ACSL4: variants seen among roughly 807,000 people sequenced by gnomAD.
ACSL4 encodes acyl-CoA synthetase long chain family member 4, also known as long-chain-fatty-acid--CoA ligase 4.
A neutral mutation model predicts 49.1 loss-of-function variants in ACSL4; 9 were observed. The observed-to-expected ratio is 0.18, with a 90% CI of 0.11 to 0.32. The LOEUF (loss-of-function observed/expected upper bound fraction) is 0.32, where lower values mean the gene tolerates loss of function less well. ACSL4 is among the 10% of genes least tolerant of loss of function. ACSL4 has a pLI of 1.00. For missense variants in ACSL4, 333 were observed against 493.7 expected (o/e 0.67, Z 3.08); for synonymous variants, 191 against 170.3 (o/e 1.12, Z -0.95).
intron 15 of ACSL4, among the ~76,000 whole-genome samples, chrX:109,644,531 T>A (rs1302215334): frequency 1.8e-5 from 2 of 112,013 alleles, no homozygotes; most frequent in Non-Finnish European, 3.8e-5. Flanking sequence ...CACATCTTCC[T>A]CTTCAGAGAC....
chrX:109,723,558 G>T lies in ACSL4; in HGVS notation c.-66+9581C>A, dbSNP rs180685360. On this transcript the variant is annotated intron_variant, in intron 1 of 15. Coordinates refer to ENST00000672401, the MANE Select transcript of ACSL4 (RefSeq NM_001318510.2). ...GTGTATATATATGTCTAACCAAGAG[G>T]CTTTTCTTCTTTTTTTATTTAATAA... Among the ~76,000 whole-genome samples, 4 of 111,606 alleles carry T rather than the reference G, an allele frequency of 3.6e-5. No homozygotes were observed. In the East Asian group the frequency reaches 1.1e-3, roughly 31 times the overall value.
intron 2 of ACSL4, among the ~76,000 whole-genome samples, chrX:109,684,429 G>A (rs1304835419): frequency 8.9e-6 from 1 of 111,870 alleles, no homozygotes; most frequent in Non-Finnish European, 1.9e-5. Context: ...GGGGGAACGG[G>A]GACAGGGGGT....
intron 6 of ACSL4, 130 bp downstream of exon 6, chrX:109,680,868 A>T: frequency 1.5e-6 from 1 of 680,245 alleles, no homozygotes; most frequent in Non-Finnish European, 2.3e-6. Flanking sequence ...GATGGTTTTT[A>T]AAGATTTTTG....
intron 1 of ACSL4, among the ~76,000 whole-genome samples, chrX:109,702,114 C>T (rs1926012439): frequency 1.8e-5 from 2 of 108,672 alleles, no homozygotes; most frequent in Non-Finnish European, 3.8e-5. Context: ...ACTCGGGAGG[C>T]TGAAGCAGGA....
At chrX:109,728,981 C>T (rs113810269) in intron 1 of ACSL4, among the ~76,000 whole-genome samples, 1 of 108,733 alleles carries the variant, frequency 9.2e-6, no homozygotes, top group Non-Finnish European at 1.9e-5. Context: ...GAGGCCGAGG[C>T]GGGTGGATCA....
chrX:109,645,139 G>GCC (rs1934609300), intron 15 of ACSL4, among the ~76,000 whole-genome samples: 2 of 113,376 alleles, frequency 1.8e-5, no homozygotes, highest in African/African-American at 6.4e-5. Context: ...AAACAAAGCA[G>GCC]CTGGGAAGCT....
intron 13 of ACSL4, among the ~76,000 whole-genome samples, chrX:109,661,873 TTAAG>T (rs1374917337): frequency 5.4e-5 from 6 of 111,133 alleles, no homozygotes; most frequent in African/African-American, 1.6e-4. Context: ...AAATGCCTAC[TTAAG>T]TAAGTATTGG....
intron 15 of ACSL4, among the ~76,000 whole-genome samples, chrX:109,649,080 C>T (rs891025645): frequency 8.2e-5 from 9 of 110,097 alleles, no homozygotes; most frequent in Non-Finnish European, 1.7e-4. Context: ...GAATCAATAT[C>T]GTGAAAATGG....
At chrX:109,671,197 C>A (rs1923183667) in intron 9 of ACSL4, among the ~76,000 whole-genome samples, 1 of 109,906 alleles carries the variant, frequency 9.1e-6, no homozygotes, top group African/African-American at 3.3e-5. Context: ...TCTGCCCAGC[C>A]GCCCATCCTC....
intron 12 of ACSL4, among the ~76,000 whole-genome samples, chrX:109,664,382 C>T (rs1922456246): frequency 9.0e-6 from 1 of 111,440 alleles, no homozygotes; most frequent in Non-Finnish European, 1.9e-5. Context: ...TAAAAACTTA[C>T]CTAATAAAAT....
At chrX:109,686,406 A>G (rs931399108) in intron 2 of ACSL4, among the ~76,000 whole-genome samples, 14 of 112,363 alleles carry the variant, frequency 1.2e-4, no homozygotes, top group Admixed American at 2.8e-4. Flanking sequence ...TACTGGTAAT[A>G]TAAAAGAGTA....
intron 3 of ACSL4, 111 bp downstream of exon 3, chrX:109,683,025 T>C: frequency 9.7e-7 from 1 of 1,028,870 alleles, no homozygotes; most frequent in Non-Finnish European, 1.3e-6. Flanking sequence ...CTGAGTAGTT[T>C]TACACAGCAC....
At chrX:109,665,017 C>T (rs1270974785) in intron 12 of ACSL4, among the ~76,000 whole-genome samples, 1 of 111,371 alleles carries the variant, frequency 9.0e-6, no homozygotes, top group Non-Finnish European at 1.9e-5. Context: ...CTATGAAAAT[C>T]TTTTCTGGGA....
intron 6 of ACSL4, among the ~76,000 whole-genome samples, chrX:109,678,687 G>A (rs751955535): frequency 8.0e-5 from 9 of 111,852 alleles, no homozygotes; most frequent in Admixed American, 1.9e-4. Context: ...AAAGTTAGCC[G>A]GATGCAGTGG....
intron 2 of ACSL4, among the ~76,000 whole-genome samples, chrX:109,686,052 G>A (rs1450528897): frequency 9.0e-6 from 1 of 111,536 alleles, no homozygotes; most frequent in Admixed American, 9.6e-5. Flanking sequence ...ATTTCTTCAA[G>A]ATAAGGTATG....
intron 15 of ACSL4, among the ~76,000 whole-genome samples, chrX:109,652,556 A>T (rs1285056851): frequency 8.9e-6 from 1 of 111,795 alleles, no homozygotes; most frequent in Non-Finnish European, 1.9e-5. Flanking sequence ...GAGTAACTAC[A>T]GTGCACCTCT....
In ACSL4 at chrX:109,705,276, C is replaced by A. The variant is rs996445465; in HGVS notation, c.-65-9080G>T. 3.6e-5 allele frequency among the ~76,000 whole-genome samples: 4 copies of A among 112,089 alleles called. No individual in the cohort carries two copies. The Admixed American group carries it at 3.8e-4, about 11-fold the overall frequency. ...TGTTTCCAAATGAATCCATCCATCT[C>A]TCTTTAGGAAGTCTCTGCAGTGTAC... is the stretch of plus-strand genomic sequence containing the variant. On this transcript the variant is annotated intron_variant, in intron 1 of 15. Coordinates refer to ENST00000672401, the MANE Select transcript of ACSL4 (RefSeq NM_001318510.2).
At chrX:109,685,650 T>C (rs41307405) in intron 2 of ACSL4, among the ~76,000 whole-genome samples, 2,104 of 110,554 alleles carry the variant, frequency 0.019, 23 homozygotes, top group Non-Finnish European at 0.031. Context: ...TCATGTAATT[T>C]AGTTGAGTAC....
At chrX:109,684,893 G>A (rs1458166238) in intron 2 of ACSL4, among the ~76,000 whole-genome samples, 1 of 110,442 alleles carries the variant, frequency 9.1e-6, no homozygotes, top group Non-Finnish European at 1.9e-5. Context: ...TAGTCTGACT[G>A]GGGCACAGCA....
Sources: allele counts gnomAD v4.1 joint callset (sites outside exome capture counted in the v4.1 genomes callset), GRCh38; gene constraint gnomAD v4.1.1; transcripts MANE v1.5; gene names NCBI Gene and HGNC (gene_info 2026-07-23, HGNC 2026-07-21).